ERC1: variants seen among roughly 807,000 people sequenced by gnomAD.
ERC1 encodes RAB6 interacting protein 2.
In ERC1, 56 loss-of-function variants were observed where a neutral mutation model predicts 132.0. The observed-to-expected ratio is 0.42, with a 90% CI of 0.34 to 0.53. ERC1 has a LOEUF of 0.53. ERC1 is among the 20% of genes least tolerant of loss of function. The pLI is 0.03. For synonymous variants in ERC1, 478 were observed against 476.1 expected, an observed-to-expected ratio of 1.00 and a Z score of -0.05; for missense variants, 1,202 against 1,349.9, an observed-to-expected ratio of 0.89 and a Z score of 1.72.
rs961830327 is a variant in ERC1, at chr12:1,417,474, TGTCAA to T, written c.3024+9228_3024+9232del. 2.0e-5 allele frequency among the ~76,000 whole-genome samples: 3 copies of T among 151,424 alleles called. No homozygotes were observed. In the East Asian group the frequency reaches 5.8e-4, roughly 29 times the overall value. ...CCTTCTCCCAAGCAACTTGAACCTA[TGTCAA>T]ATCAAAAAAGATTTTGGAGGCCGAG... On this transcript the variant is annotated intron_variant, in intron 17 of 18. Transcript: ENST00000360905.
intron 15 of ERC1, 52 bp downstream of exon 15, chr12:1,290,064 T>C (rs1349932578): frequency 6.6e-7 from 1 of 1,505,684 alleles, no homozygotes; most frequent in African/African-American, 1.4e-5. Flanking sequence ...GAAATACTTT[T>C]TCTCCCTGCA....
chr12:1,450,165 T>A (rs1259511193), intron 18 of ERC1, among the ~76,000 whole-genome samples: 1 of 152,234 alleles, frequency 6.6e-6, no homozygotes, highest in Admixed American at 6.5e-5. Context: ...TTATTGTTTA[T>A]TGTGCTAAAA....
intron 15 of ERC1, among the ~76,000 whole-genome samples, chr12:1,351,817 G>T (rs980348972): frequency 6.6e-6 from 1 of 151,872 alleles, no homozygotes; most frequent in Non-Finnish European, 1.5e-5. Flanking sequence ...AGTATCTTTT[G>T]TATTATTTTG....
Position 1,254,701 on chromosome 12 carries a change from T to G in ERC1, c.2488-8333T>G, listed in dbSNP as rs569954864. Among the ~76,000 whole-genome samples, 23 of 152,198 alleles carry G rather than the reference T, an allele frequency of 1.5e-4. No individual in the cohort carries two copies. The East Asian group carries it at 1.7e-3, about 12-fold the overall frequency. On this transcript the variant is annotated intron_variant, in intron 13 of 18. Coordinates refer to ENST00000360905, the MANE Select transcript of ERC1 (RefSeq NM_178040.4). Reference sequence around the variant, plus strand: ...ATAATTTTTGTATTTTTAGTAGAGATGTGGTTTCACCATGTTGGCCAGGCT... The same window carrying G: ...ATAATTTTTGTATTTTTAGTAGAGAGGTGGTTTCACCATGTTGGCCAGGCT...
chr12:1,312,514 A>G (rs772691763), intron 15 of ERC1, among the ~76,000 whole-genome samples: 14 of 152,084 alleles, frequency 9.2e-5, no homozygotes, highest in South Asian at 2.1e-4. Flanking sequence ...GCCTGCCACC[A>G]TGCCTGACTA....
chr12:1,472,302 GT>G (rs2093878753), intron 18 of ERC1, among the ~76,000 whole-genome samples: 1 of 152,118 alleles, frequency 6.6e-6, no homozygotes, highest in Admixed American at 6.6e-5. Context: ...ATTTGTTTTT[GT>G]TTTGTTTTTA....
At chr12:1,463,839 C>T (rs7299326) in intron 18 of ERC1, among the ~76,000 whole-genome samples, 24,079 of 151,196 alleles carry the variant, frequency 0.16, 3,721 homozygotes, top group African/African-American at 0.41. Flanking sequence ...CTTTTTAATG[C>T]GAAGACAAGG....
At chr12:1,278,491 T>A (rs1323156860) in intron 14 of ERC1, among the ~76,000 whole-genome samples, 1 of 151,916 alleles carries the variant, frequency 6.6e-6, no homozygotes, top group African/African-American at 2.4e-5. Flanking sequence ...CCTTAAAAAA[T>A]CTGGAAATAG....
At chr12:1,295,474 T>G (rs2079845479) in intron 15 of ERC1, among the ~76,000 whole-genome samples, 1 of 152,106 alleles carries the variant, frequency 6.6e-6, no homozygotes, top group South Asian at 2.1e-4. Flanking sequence ...TACCAGAGAT[T>G]AGATGCTACA....
chr12:1,376,265 T>C (rs2087902073), intron 16 of ERC1, among the ~76,000 whole-genome samples: 1 of 152,258 alleles, frequency 6.6e-6, no homozygotes, highest in Non-Finnish European at 1.5e-5. Flanking sequence ...TTCTAAATTC[T>C]AATATGTCTT....
At chr12:1,222,881 T>G (rs1321609652) in intron 12 of ERC1, among the ~76,000 whole-genome samples, 1 of 152,226 alleles carries the variant, frequency 6.6e-6, no homozygotes. Flanking sequence ...ATAATAAAAA[T>G]TCCTTTACCA....
intron 15 of ERC1, among the ~76,000 whole-genome samples, chr12:1,306,863 G>A (rs1286937353): frequency 2.0e-5 from 3 of 152,056 alleles, no homozygotes; most frequent in Non-Finnish European, 2.9e-5. Context: ...TAATTGCAAA[G>A]TTTATGTATA....
intron 15 of ERC1, among the ~76,000 whole-genome samples, chr12:1,311,486 A>T (rs2081300277): frequency 6.6e-6 from 1 of 152,224 alleles, no homozygotes. Context: ...TTTCTTATTT[A>T]TAGGAAAATA....
chr12:1,297,916 C>G (rs2080090497), intron 15 of ERC1, among the ~76,000 whole-genome samples: 1 of 152,016 alleles, frequency 6.6e-6, no homozygotes, highest in Admixed American at 6.5e-5. Flanking sequence ...AAGGTTCTTA[C>G]GTTCGTGAAG....
At chr12:1,356,479 A>G (rs903602043) in intron 15 of ERC1, among the ~76,000 whole-genome samples, 3 of 152,180 alleles carry the variant, frequency 2.0e-5, no homozygotes, top group Admixed American at 6.5e-5. Flanking sequence ...GAGAAGTAGG[A>G]TGTGTGACTC....
rs1555254816 is a variant in ERC1 at position 1,121,837 on chromosome 12, ATCTATCTCTATC to A, written c.1569+5836_1569+5847del. On this transcript the variant is annotated intron_variant, in intron 7 of 18. Transcript: ENST00000360905. ...TATCTCTATCTGTGTCTCTATCTCTATCTATCTCTATCTCTATCTCTATCTCTATCTCTATCT... is the reference window on the plus strand; with the variant it reads ...TATCTCTATCTGTGTCTCTATCTCTATCTATCTCTATCTCTATCTCTATCT... Among the ~76,000 whole-genome samples, 2 of 4,374 alleles carry A rather than the reference ATCTATCTCTATC, an allele frequency of 4.6e-4. 1 individual carries two copies. Among genetic ancestry groups the A allele is most frequent in the African/African-American group, 6.8e-4 (2 of 2,934 alleles). The allele number at this position is 4,374 out of a possible 152,430, so 2.9% of individuals were successfully genotyped here.
In ERC1 at chr12:1,470,450, G is replaced by GT. The variant is rs927630311; in HGVS notation, c.3214-19631dup. ...GTTGTTTGGGTTTGGGGTTTTTTTTGTTTTTTTTTTTTCTTCATCTTCTCC... is the reference window on the plus strand; with the variant it reads ...GTTGTTTGGGTTTGGGGTTTTTTTTGTTTTTTTTTTTTTCTTCATCTTCTCC... On this transcript the variant is annotated intron_variant, in intron 18 of 18. Coordinates refer to ENST00000360905, the MANE Select transcript of ERC1 (RefSeq NM_178040.4). Among the ~76,000 whole-genome samples, 839 of 142,124 alleles carry GT rather than the reference G, an allele frequency of 5.9e-3. 4 individuals carry two copies. Among genetic ancestry groups the GT allele is most frequent in the African/African-American group, 0.015 (595 of 38,944 alleles). 93.2% of individuals were successfully genotyped at this position (142,124 alleles called of 152,430 possible). A position where few individuals can be genotyped will look rare whatever the true frequency, so the allele number is the denominator to read the frequency against.
At chr12:1,293,868 G>A (rs1365852951) in intron 15 of ERC1, among the ~76,000 whole-genome samples, 1 of 152,050 alleles carries the variant, frequency 6.6e-6, no homozygotes. Context: ...TTTTAAGTCT[G>A]TAGACATATG....
rs114621486 is a variant in ERC1, at chr12:1,451,522, G to A, written c.3213+6772G>A. Reference sequence around the variant, plus strand: ...TGCCTGCAGTCCCACCTACTCGGGAGGCCCAGGTGGGAGGATCACTTTAGC... The same window carrying A: ...TGCCTGCAGTCCCACCTACTCGGGAAGCCCAGGTGGGAGGATCACTTTAGC... On this transcript the variant is annotated intron_variant, in intron 18 of 18. Coordinates refer to ENST00000360905, the MANE Select transcript of ERC1 (RefSeq NM_178040.4). Among the ~76,000 whole-genome samples the A allele has an allele frequency of 2.8e-3, 424 of 152,234 alleles. 2 individuals are homozygous for A. Among genetic ancestry groups the A allele is most frequent in the African/African-American group, 9.7e-3 (404 of 41,524 alleles).
Sources: gnomAD v4.1 joint callset for allele counts (sites outside exome capture counted in the v4.1 genomes callset) on GRCh38, gnomAD v4.1.1 for gene constraint, MANE v1.5 for transcripts, NCBI Gene and HGNC (gene_info 2026-07-23, HGNC 2026-07-21) for gene names.